The following PITPNM2 variants were observed in gnomAD, a reference collection of about 807,000 sequenced individuals.
PITPNM2 encodes phosphatidylinositol transfer protein membrane associated 2.
PITPNM2 carries 35 observed loss-of-function variants against 132.2 expected under a neutral mutation model. The ratio of observed to expected loss-of-function variants is 0.26; its 90% CI spans 0.20 to 0.35. PITPNM2 has a LOEUF of 0.35. Ranked by LOEUF, PITPNM2 falls within the 10% of genes least tolerant of loss-of-function variation. The probability of loss-of-function intolerance (pLI) is 1.00; values close to 1 mark genes in which losing one functional copy is unlikely to be tolerated. For missense variants in PITPNM2, 1,332 were observed against 1,912.0 expected, an observed-to-expected ratio of 0.70 and a Z score of 5.66; for synonymous variants, 738 against 799.2, an observed-to-expected ratio of 0.92 and a Z score of 1.29.
chr12:122,998,690 C>T (rs1344466384), intron 10 of PITPNM2, among the ~76,000 whole-genome samples: 1 of 150,564 alleles, frequency 6.6e-6, no homozygotes, highest in Admixed American at 6.6e-5. Context: ...GAGCCAAAGC[C>T]ATCTAGAGGG....
intron 2 of PITPNM2, among the ~76,000 whole-genome samples, chr12:123,040,150 T>C (rs2040414057): frequency 6.6e-6 from 1 of 152,238 alleles, no homozygotes; most frequent in East Asian, 1.9e-4. Flanking sequence ...TAAAGTTTAT[T>C]ATTAAAAAAA....
intron 1 of PITPNM2, among the ~76,000 whole-genome samples, chr12:123,130,787 A>T (rs990477371): frequency 3.9e-5 from 6 of 152,184 alleles, no homozygotes; most frequent in Non-Finnish European, 8.8e-5. Context: ...CTCAAAAAAA[A>T]AGAGTTTTGA....
chr12:122,994,514 G>A lies in PITPNM2; in HGVS notation c.2233+287C>T, dbSNP rs2038333163. 6.6e-6 allele frequency among the ~76,000 whole-genome samples: 1 copy of A among 152,150 alleles called. No individual in the cohort carries two copies. Among genetic ancestry groups the A allele is most frequent in the South Asian group, 2.1e-4 (1 of 4,824 alleles). The stretch of plus-strand genomic sequence containing the variant: ...CTGGGTCTGTCTCCATCTGACTCTG[G>A]GGTGGTGCCTTCTCTCCCTGGACCT... On this transcript the variant is annotated intron_variant, in intron 15 of 25. Transcript: ENST00000320201. The surrounding 1 kb of genome is among the most constrained non-coding windows in gnomAD (Gnocchi z 5.4).
rs1440512377 is a variant in PITPNM2, at chr12:122,994,104, C to T, written c.2233+697G>A. ...GGTCAGGCTGGTCTCAAACTCCTGA[C>T]CTCAGCTGATCCGCCCGCCTCGGCC... On this transcript the variant is annotated intron_variant, in intron 15 of 25. Coordinates refer to ENST00000320201, the MANE Select transcript of PITPNM2 (RefSeq NM_020845.3). The surrounding 1 kb of genome is among the most constrained non-coding windows in gnomAD (Gnocchi z 5.4). Among the ~76,000 whole-genome samples, 4 of 147,304 alleles carry T rather than the reference C, an allele frequency of 2.7e-5. No individual in the cohort carries two copies. The highest frequency in any genetic ancestry group is 2.6e-4 in the Admixed American group (4 of 15,236).
intron 3 of PITPNM2, among the ~76,000 whole-genome samples, chr12:123,016,850 C>A (rs2039446210): frequency 6.6e-6 from 1 of 150,842 alleles, no homozygotes; most frequent in Admixed American, 6.6e-5. Context: ...TTGAGACCAG[C>A]CTGGCCAGCA....
chr12:123,036,985 T>C lies in PITPNM2; in HGVS notation c.-95-2300A>G, dbSNP rs1248777958. ...GTCAATGGGTCTAGCTAACAGCCCA[T>C]GGGACCTGCAAGTTTAGGGCCTGAG... is the stretch of plus-strand genomic sequence containing the variant. On this transcript the variant is annotated intron_variant, in intron 2 of 25. Coordinates refer to ENST00000320201, the MANE Select transcript of PITPNM2 (RefSeq NM_020845.3). This position sits in a 1 kb window ranked among gnomAD's most constrained non-coding sequence, Gnocchi z 4.1. Among the ~76,000 whole-genome samples, 1 of 152,262 alleles carries C rather than the reference T, an allele frequency of 6.6e-6. No homozygotes were observed. The highest frequency in any genetic ancestry group is 1.5e-5 in the Non-Finnish European group (1 of 68,044).
At chr12:123,007,910 A>G (rs1356598801) in intron 6 of PITPNM2, among the ~76,000 whole-genome samples, 7 of 152,192 alleles carry the variant, frequency 4.6e-5, no homozygotes. Context: ...AGCGTAGCTC[A>G]CATGAGTTCA....
intron 2 of PITPNM2, among the ~76,000 whole-genome samples, chr12:123,105,003 A>T (rs73413241): frequency 0.043 from 6,513 of 152,200 alleles, 456 homozygotes; most frequent in African/African-American, 0.15. Flanking sequence ...CCCTGATCTA[A>T]CGGGGCCCTC....
Position 123,021,581 on chromosome 12 carries a change from T to A in PITPNM2, c.79-7539A>T, listed in dbSNP as rs1004986095. 5 of 818,816 alleles carry A rather than the reference T, an allele frequency of 6.1e-6. No individual in the cohort carries two copies. The African/African-American group carries it at 9.3e-5, about 15-fold the overall frequency. The allele number at this position is 818,816 out of a possible 1,614,324, so 50.7% of individuals were successfully genotyped here. On this transcript the variant is annotated intron_variant, in intron 3 of 25. Coordinates refer to ENST00000320201, the MANE Select transcript of PITPNM2 (RefSeq NM_020845.3). ...TAAGCCTCTGTGCTCAGCCTGGGAATCACAGTTTCTAAATCAAGCCCCACT... is the reference window on the plus strand; with the variant it reads ...TAAGCCTCTGTGCTCAGCCTGGGAAACACAGTTTCTAAATCAAGCCCCACT...
intron 2 of PITPNM2, among the ~76,000 whole-genome samples, chr12:123,073,797 G>C (rs1265224398): frequency 6.6e-6 from 1 of 152,226 alleles, no homozygotes; most frequent in African/African-American, 2.4e-5. Flanking sequence ...CAAGTGAGTG[G>C]TAGGGCAGAT....
intron 1 of PITPNM2, among the ~76,000 whole-genome samples, chr12:123,137,757 G>T (rs1287566480): frequency 2.0e-5 from 3 of 152,016 alleles, no homozygotes; most frequent in Non-Finnish European, 4.4e-5. Flanking sequence ...GCGGGACGTG[G>T]TGGTGCGTGT....
In PITPNM2 at chr12:122,996,906, T is replaced by G. The variant is rs1420548868; in HGVS notation, c.1477A>C (p.Ser493Arg). Residue 493 changes from serine (S) to arginine (R), a missense_variant, in exon 12 of 26, where the codon AGC becomes CGC. Ser to Arg is a moderately radical substitution (Grantham distance 110). This residue lies in a region of PITPNM2 where 710 missense variants were observed against 911.5 expected (regional missense o/e 0.78). Transcript: ENST00000320201. ...CAGCCTTCGTCATGGCTGTAGGGGC[T>G]GAGGCTGGGGAGAGGGGCCAGTCAA... ...SDAFALVSNL[S>R]PYSHDEGCLS... 6.4e-7 allele frequency: 1 copy of G among 1,571,006 alleles called. No homozygotes were observed. The highest frequency in any genetic ancestry group is 8.6e-7 in the Non-Finnish European group (1 of 1,166,200).
Position 122,994,079 on chromosome 12 carries a change from G to C in PITPNM2, c.2233+722C>G, listed in dbSNP as rs2038312776. Among the ~76,000 whole-genome samples the C allele has an allele frequency of 6.6e-6, 1 of 150,966 alleles. No homozygotes were observed. The highest frequency in any genetic ancestry group is 2.5e-5 in the African/African-American group (1 of 40,274). On this transcript the variant is annotated intron_variant, in intron 15 of 25. Transcript: ENST00000320201. The surrounding 1 kb of genome is among the most constrained non-coding windows in gnomAD (Gnocchi z 5.4). ...AGTAGAGACGGGGTTTCTCCATGTT[G>C]GTCAGGCTGGTCTCAAACTCCTGAC...
chr12:123,091,101 G>A (rs1226104127), intron 2 of PITPNM2: 1 of 152,212 alleles, frequency 6.6e-6, no homozygotes, highest in Non-Finnish European at 1.5e-5. Context: ...ACCAGGGCCA[G>A]GCCACCCAGC....
intron 2 of PITPNM2, among the ~76,000 whole-genome samples, chr12:123,053,663 G>A (rs1406469398): frequency 6.6e-6 from 1 of 151,132 alleles, no homozygotes; most frequent in Non-Finnish European, 1.5e-5. Flanking sequence ...CACCTCCTGG[G>A]TTCAAGTGAT....
At chr12:123,131,400 G>T (rs891155983) in intron 1 of PITPNM2, among the ~76,000 whole-genome samples, 1 of 152,206 alleles carries the variant, frequency 6.6e-6, no homozygotes, top group Non-Finnish European at 1.5e-5. Flanking sequence ...ACAGATACTC[G>T]TTGCGGTCTC....
intron 2 of PITPNM2, among the ~76,000 whole-genome samples, chr12:123,102,528 A>G (rs1397778484): frequency 1.3e-5 from 2 of 152,138 alleles, no homozygotes; most frequent in African/African-American, 4.8e-5. Flanking sequence ...TGGCCTATAG[A>G]TTCAGCTCCT....
chr12:123,140,482 G>A (rs1028962062), intron 1 of PITPNM2, among the ~76,000 whole-genome samples: 1 of 152,156 alleles, frequency 6.6e-6, no homozygotes, highest in African/African-American at 2.4e-5. Flanking sequence ...AGGGAAAGAT[G>A]GAGACTAAGC....
chr12:123,048,640 C>T (rs2136623718), intron 2 of PITPNM2, among the ~76,000 whole-genome samples: 1 of 152,130 alleles, frequency 6.6e-6, no homozygotes, highest in Non-Finnish European at 1.5e-5. Context: ...TCTCGATCTC[C>T]TGACCTCATG....
Sources: allele counts gnomAD v4.1 joint callset (sites outside exome capture counted in the v4.1 genomes callset), GRCh38; gene constraint gnomAD v4.1.1; regional missense constraint gnomAD v4.1.1; non-coding constraint Gnocchi (gnomAD v3.1); transcripts MANE v1.5; gene names NCBI Gene and HGNC (gene_info 2026-07-23, HGNC 2026-07-21).